The following RAD50 variants were observed in gnomAD, a reference collection of about 807,000 sequenced individuals.
RAD50 encodes the protein DNA repair protein RAD50.
Under a neutral mutation model 168.8 loss-of-function variants are expected in RAD50, and 132 were observed. The ratio of observed to expected loss-of-function variants is 0.78; its 90% CI spans 0.68 to 0.90. The LOEUF is 0.90. RAD50 is among the 40% of genes least tolerant of loss of function. The pLI is 0.00. For synonymous variants in RAD50, 525 were observed against 497.4 expected, an observed-to-expected ratio of 1.06 and a Z score of -0.74; for missense variants, 1,347 against 1,534.4, an observed-to-expected ratio of 0.88 and a Z score of 2.04.
intron 4 of RAD50, 87 bp downstream of exon 4, chr5:132,579,589 T>G (rs1430840127): frequency 7.1e-7 from 1 of 1,409,012 alleles, no homozygotes. Flanking sequence ...CAGAAAAAAT[T>G]TAAAAAGCAG....
Position 132,643,092 on chromosome 5 carries a change from C to T in RAD50, c.*728C>T, listed in dbSNP as rs901214296. The T allele has an allele frequency of 9.5e-6, 5 of 528,906 alleles. No homozygotes were observed. The African/African-American group carries it at 9.5e-5, about 10-fold the overall frequency. The allele number at this position is 528,906 out of a possible 1,614,324, so 32.8% of individuals were successfully genotyped here. ...TTTGGAAAGCTCTGACCACTTGAGG[C>T]CTGATCTGCCCATCGTGAAGAAGCC... On this transcript the variant is annotated 3_prime_UTR_variant, in exon 25 of 25. Transcript: ENST00000378823.
chr5:132,594,784 GA>G, intron 11 of RAD50, 84 bp from the exon 12 acceptor site: 1 of 1,349,682 alleles, frequency 7.4e-7, no homozygotes, highest in Admixed American at 1.7e-5. Context: ...TTTGTTGGCA[GA>G]ATTTGTCTTG....
At chr5:132,583,960 G>T (rs921310954) in intron 5 of RAD50, among the ~76,000 whole-genome samples, 1 of 152,106 alleles carries the variant, frequency 6.6e-6, no homozygotes, top group East Asian at 1.9e-4. Context: ...GCCTCCCAAA[G>T]TGCTGGGATT....
intron 13 of RAD50, among the ~76,000 whole-genome samples, chr5:132,602,329 A>G (rs1455284282): frequency 1.3e-5 from 2 of 152,120 alleles, no homozygotes; most frequent in Non-Finnish European, 2.9e-5. Context: ...TACTAATTCA[A>G]TATAATTTTA....
chr5:132,643,615 G>A lies in RAD50; in HGVS notation c.*1251G>A. On this transcript the variant is annotated 3_prime_UTR_variant, in exon 25 of 25. Transcript: ENST00000378823. The stretch of plus-strand genomic sequence containing the variant: ...ATGGTTGGCCCCCAAAGATAGACAG[G>A]TCCTGATTTCTAGAACCCGTGACTG... 1 of 218,798 alleles carries A rather than the reference G, an allele frequency of 4.6e-6. No individual in the cohort carries two copies. The highest frequency in any genetic ancestry group is 5.9e-5 in the Admixed American group (1 of 16,984). 13.6% of individuals were successfully genotyped at this position (218,798 alleles called of 1,614,324 possible). A position where few individuals can be genotyped will look rare whatever the true frequency, so the allele number is the denominator to read the frequency against.
At chr5:132,590,758 T>G (rs1750683783) in intron 9 of RAD50, among the ~76,000 whole-genome samples, 2 of 152,348 alleles carry the variant, frequency 1.3e-5, no homozygotes, top group South Asian at 4.1e-4. Flanking sequence ...TAACTCACCA[T>G]TGTAGCATAC....
intron 2 of RAD50, among the ~76,000 whole-genome samples, chr5:132,568,727 A>G (rs1302069092): frequency 6.6e-6 from 1 of 152,256 alleles, no homozygotes. Context: ...ATATCCAGCA[A>G]AAATATTCTT....
intron 12 of RAD50, 128 bp downstream of exon 12, chr5:132,595,172 C>A: frequency 2.0e-6 from 2 of 993,674 alleles, no homozygotes; most frequent in South Asian, 1.4e-5. Flanking sequence ...TCAGTCCTGG[C>A]TCTACAACTT....
intron 13 of RAD50, 78 bp from the exon 14 acceptor site, chr5:132,603,222 T>G: frequency 7.6e-7 from 1 of 1,319,100 alleles, no homozygotes; most frequent in South Asian, 1.3e-5. Context: ...TCTGTGGTAT[T>G]CTTCCTAAAA....
At chr5:132,640,938 G>A in intron 24 of RAD50, 133 bp downstream of exon 24, 1 of 1,412,612 alleles carries the variant, frequency 7.1e-7, no homozygotes, top group Non-Finnish European at 9.9e-7. Context: ...TCTTGGGGAA[G>A]CCAGTTGGTG....
intron 19 of RAD50, among the ~76,000 whole-genome samples, chr5:132,610,470 T>A (rs1237803436): frequency 6.6e-6 from 1 of 152,214 alleles, no homozygotes; most frequent in East Asian, 1.9e-4. Context: ...TCACATGCTT[T>A]ATGCAAGCAT....
chr5:132,557,408 C>T lies in RAD50; in HGVS notation c.84C>T (p.Phe28=), dbSNP rs2149830144. ...AAGATAAGCAAATTATCACTTTCTT[C>T]AGCCCCCTTACAATTTTGGTTGGAC... ...EDKDKQIITF[F]SPLTILVGPN... Residue 28 remains phenylalanine, a synonymous_variant, in exon 1 of 25, where the codon TTC becomes TTT. Transcript: ENST00000378823. 1.2e-6 allele frequency: 2 copies of T among 1,614,184 alleles called. No individual in the cohort carries two copies. The highest frequency in any genetic ancestry group is 1.1e-5 in the South Asian group (1 of 91,088).
At chr5:132,564,884 C>G (rs1268157971) in intron 2 of RAD50, among the ~76,000 whole-genome samples, 1 of 152,170 alleles carries the variant, frequency 6.6e-6, no homozygotes, top group African/African-American at 2.4e-5. Flanking sequence ...TTGGCAGCTT[C>G]CACATGGTGT....
At chr5:132,590,918 T>C (rs1750686133) in intron 9 of RAD50, among the ~76,000 whole-genome samples, 1 of 152,226 alleles carries the variant, frequency 6.6e-6, no homozygotes, top group South Asian at 2.1e-4. Flanking sequence ...AATTGTTGAC[T>C]GAGGACTCAC....
intron 2 of RAD50, among the ~76,000 whole-genome samples, chr5:132,573,798 G>A (rs1420329455): frequency 6.6e-6 from 1 of 152,178 alleles, no homozygotes; most frequent in African/African-American, 2.4e-5. Flanking sequence ...CAAAACAAAG[G>A]GGCTACAGGC....
intron 2 of RAD50, among the ~76,000 whole-genome samples, chr5:132,562,314 G>A (rs769948592): frequency 3.9e-5 from 6 of 152,152 alleles, no homozygotes; most frequent in East Asian, 1.9e-4. Context: ...AAGACTGTCC[G>A]TAGGTAGCAA....
intron 4 of RAD50, 47 bp downstream of exon 4, chr5:132,579,549 T>C (rs1387043746): frequency 1.3e-6 from 2 of 1,560,902 alleles, no homozygotes; most frequent in Admixed American, 3.3e-5. Context: ...GTTATTGAAC[T>C]GTGTTTGCAA....
intron 2 of RAD50, among the ~76,000 whole-genome samples, chr5:132,561,221 C>G (rs116392013): frequency 0.041 from 6,184 of 152,010 alleles, 359 homozygotes; most frequent in African/African-American, 0.13. Context: ...GAGACGGAGT[C>G]TTGCACTGTT....
intron 2 of RAD50, among the ~76,000 whole-genome samples, chr5:132,570,289 G>A (rs1217370516): frequency 2.0e-5 from 3 of 152,164 alleles, no homozygotes; most frequent in African/African-American, 7.2e-5. Flanking sequence ...AATGGAGAAA[G>A]AGCAAAGCCC....
Sources: allele counts gnomAD v4.1 joint callset (sites outside exome capture counted in the v4.1 genomes callset), GRCh38; gene constraint gnomAD v4.1.1; transcripts MANE v1.5; gene names NCBI Gene and HGNC (gene_info 2026-07-23, HGNC 2026-07-21).